NHSL2: variants seen among roughly 807,000 people sequenced by gnomAD.
NHSL2 encodes the protein NHS-like protein 2.
A neutral mutation model predicts 53.4 loss-of-function variants in NHSL2; 27 were observed. The observed-to-expected ratio is 0.51, with a 90% CI of 0.37 to 0.70. The LOEUF (loss-of-function observed/expected upper bound fraction) is 0.70, where lower values mean the gene tolerates loss of function less well. Ranked by LOEUF, NHSL2 falls within the 30% of genes least tolerant of loss-of-function variation. NHSL2 has a pLI of 0.00. For missense variants in NHSL2, 892 were observed against 980.1 expected, an observed-to-expected ratio of 0.91 and a Z score of 1.20; for synonymous variants, 408 against 404.1, an observed-to-expected ratio of 1.01 and a Z score of -0.12.
At chrX:72,129,562 C>T in intron 1 of NHSL2, 1 of 338,923 alleles carries the variant, frequency 3.0e-6, no homozygotes, top group Non-Finnish European at 5.1e-6. Flanking sequence ...CAGAAACTTG[C>T]TCTCCAGCTC....
At chrX:71,926,951 G>A (rs2147818219) in intron 1 of NHSL2, among the ~76,000 whole-genome samples, 1 of 111,367 alleles carries the variant, frequency 9.0e-6, no homozygotes, top group Non-Finnish European at 1.9e-5. Flanking sequence ...TAAAATGAGA[G>A]ACTGGGGTGT....
At chrX:72,024,225 T>A (rs1361933601) in intron 1 of NHSL2, among the ~76,000 whole-genome samples, 1 of 111,688 alleles carries the variant, frequency 9.0e-6, no homozygotes, top group Non-Finnish European at 1.9e-5. Flanking sequence ...GTAGGAAAAT[T>A]CTGAACTCTT....
intron 1 of NHSL2, among the ~76,000 whole-genome samples, chrX:71,952,161 G>C (rs1332092087): frequency 1.8e-5 from 2 of 112,313 alleles, no homozygotes; most frequent in Non-Finnish European, 3.8e-5. Flanking sequence ...TCTCCAATAT[G>C]GGTTGAAGTA....
At chrX:71,985,704 G>A (rs1351442525) in intron 1 of NHSL2, among the ~76,000 whole-genome samples, 5 of 112,486 alleles carry the variant, frequency 4.4e-5, no homozygotes, top group African/African-American at 1.6e-4. Context: ...AAAAAAGATT[G>A]CTTCAGTCTT....
At chrX:71,967,513 ATT>A (rs2041906259) in intron 1 of NHSL2, among the ~76,000 whole-genome samples, 1 of 111,094 alleles carries the variant, frequency 9.0e-6, no homozygotes, top group African/African-American at 3.3e-5. Context: ...TATATTTTGT[ATT>A]TCTCTTGAGA....
At chrX:72,103,716 T>G (rs2042015097) in intron 1 of NHSL2, among the ~76,000 whole-genome samples, 1 of 112,060 alleles carries the variant, frequency 8.9e-6, no homozygotes, top group African/African-American at 3.3e-5. Context: ...ATCAGAAACA[T>G]GTAAATTCAC....
intron 1 of NHSL2, among the ~76,000 whole-genome samples, chrX:72,092,115 A>G (rs975919055): frequency 1.8e-5 from 2 of 111,776 alleles, no homozygotes; most frequent in African/African-American, 6.5e-5. Flanking sequence ...TGTAGGTTAG[A>G]TGGCCTGTTT....
chrX:72,139,829 A>C lies in NHSL2; in HGVS notation c.2281A>C (p.Met761Leu). 8.3e-7 allele frequency: 1 copy of C among 1,210,421 alleles called. No homozygotes were observed. The change falls in exon 6 of 8, where the codon ATG becomes CTG. Residue 761 changes from methionine (M) to leucine (L), a missense_variant. Transcript: ENST00000633930. ...GTCATCACTACCCCCGACGTCACCA[A>C]TGGAGAAATTTCCCAAGTCACGGCT... ...RKSSLPPTSP[M>L]EKFPKSRLSF...
chrX:71,975,402 T>G (rs1396316079), intron 1 of NHSL2, among the ~76,000 whole-genome samples: 1 of 111,544 alleles, frequency 9.0e-6, no homozygotes, highest in Non-Finnish European at 1.9e-5. Flanking sequence ...AACATTTGTA[T>G]TTTAGACACT....
At chrX:71,934,795 G>T (rs1679789386) in intron 1 of NHSL2, among the ~76,000 whole-genome samples, 1 of 111,379 alleles carries the variant, frequency 9.0e-6, no homozygotes, top group African/African-American at 3.3e-5. Context: ...TGGAGATGGG[G>T]AGTAAGGAGA....
chrX:71,980,239 A>G (rs988500754), intron 1 of NHSL2, among the ~76,000 whole-genome samples: 16 of 111,485 alleles, frequency 1.4e-4, no homozygotes, highest in African/African-American at 4.9e-4. Context: ...TGACTTGGCA[A>G]TGCAGGCTCT....
At chrX:72,110,965 T>C (rs2147476815) in intron 1 of NHSL2, among the ~76,000 whole-genome samples, 1 of 111,489 alleles carries the variant, frequency 9.0e-6, no homozygotes, top group Non-Finnish European at 1.9e-5. Context: ...CCTGTTGATA[T>C]GGAAACGGGT....
At position 72,140,452 on chromosome X, in the gene NHSL2, G is replaced by T; in HGVS notation, c.2904G>T (p.Gln968His). The change falls in exon 6 of 8, where the codon CAG (glutamine) becomes CAT (histidine). Residue 968 changes from glutamine (Q) to histidine (H), a missense_variant. Transcript: ENST00000633930. ...AFFSGTQQPP[Q>H]GSVEDEGPKV... ...TCTCAGGAACACAGCAGCCTCCCCA[G>T]GGAAGTGTAGAGGACGAGGGCCCCA... is the stretch of plus-strand genomic sequence containing the variant. 1 of 1,209,429 alleles carries T rather than the reference G, an allele frequency of 8.3e-7. No homozygotes were observed. Among genetic ancestry groups the T allele is most frequent in the Non-Finnish European group, 1.1e-6 (1 of 894,057 alleles).
chrX:71,917,766 C>T (rs1006955297), intron 1 of NHSL2, among the ~76,000 whole-genome samples: 1 of 110,993 alleles, frequency 9.0e-6, no homozygotes, highest in Non-Finnish European at 1.9e-5. Context: ...ATTCCTGGCT[C>T]AGGAAGTAGC....
In NHSL2 at chrX:72,045,616, C is replaced by T. The variant is rs759975903; in HGVS notation, c.281-86463C>T. Among the ~76,000 whole-genome samples, 3 of 111,941 alleles carry T rather than the reference C, an allele frequency of 2.7e-5. No individual in the cohort carries two copies. In the South Asian group the frequency reaches 1.1e-3, roughly 42 times the overall value. On this transcript the variant is annotated intron_variant, in intron 1 of 7. Coordinates refer to ENST00000633930, the MANE Select transcript of NHSL2 (RefSeq NM_001013627.3). ...TTATACCACTTTCTGAGGAGGGAAC[C>T]CCCCAGTCCCCGGTCAGACTGGATT...
intron 1 of NHSL2, among the ~76,000 whole-genome samples, chrX:72,067,291 C>T (rs1402069401): frequency 8.9e-6 from 1 of 111,785 alleles, no homozygotes; most frequent in Non-Finnish European, 1.9e-5. Context: ...CATGCCTTTA[C>T]TCCCCAAACT....
intron 1 of NHSL2, among the ~76,000 whole-genome samples, chrX:72,093,717 GCTTGCTTTCTTTCTTTCTTT>G (rs1226815132): frequency 2.2e-4 from 17 of 78,683 alleles, no homozygotes; most frequent in African/African-American, 6.8e-4. Flanking sequence ...AGTATAGCTT[GCTTGCTTTCTTTCTTTCTTT>G]CTTTCTTTCT....
At chrX:71,974,667 G>C (rs1188789833) in intron 1 of NHSL2, among the ~76,000 whole-genome samples, 3 of 111,962 alleles carry the variant, frequency 2.7e-5, no homozygotes, top group Non-Finnish European at 5.6e-5. Context: ...AAACATACAG[G>C]CTGGGTCCAC....
In NHSL2 at chrX:72,098,599, A is replaced by G. The variant is rs191947988; in HGVS notation, c.281-33480A>G. Among the ~76,000 whole-genome samples, 823 of 110,076 alleles carry G rather than the reference A, an allele frequency of 7.5e-3. 4 individuals are homozygous for G. Among genetic ancestry groups the G allele is most frequent in the African/African-American group, 0.026 (783 of 30,324 alleles). On this transcript the variant is annotated intron_variant, in intron 1 of 7. Coordinates refer to ENST00000633930, the MANE Select transcript of NHSL2 (RefSeq NM_001013627.3). ...CCGTCTCAAAAAAAAAAAAAAAAGA[A>G]AGAGAGAAGAAGTTGAAAGGGGTGT... is the stretch of plus-strand genomic sequence containing the variant.
Sources: allele counts gnomAD v4.1 joint callset (sites outside exome capture counted in the v4.1 genomes callset), GRCh38; gene constraint gnomAD v4.1.1; transcripts MANE v1.5; gene names NCBI Gene and HGNC (gene_info 2026-07-23, HGNC 2026-07-21).